Variants in BCL6 observed in about 807,000 individuals in gnomAD.
The protein encoded by BCL6 is B-cell lymphoma 6 protein.
Under a neutral mutation model 59.5 loss-of-function variants are expected in BCL6, and 7 were observed. The observed-to-expected ratio is 0.12, with a 90% CI of 0.07 to 0.22. BCL6 has a LOEUF of 0.22. Among genes scored for constraint, BCL6 ranks in the 10% least tolerant of loss-of-function variants. The pLI, the probability that BCL6 is intolerant of heterozygous loss-of-function variation, is 1.00. For missense variants in BCL6, 685 were observed against 939.4 expected, an observed-to-expected ratio of 0.73 and a Z score of 3.54; for synonymous variants, 339 against 349.7, an observed-to-expected ratio of 0.97 and a Z score of 0.34.
chr3:187,727,605 CA>C (rs1476196738), intron 6 of BCL6, among the ~76,000 whole-genome samples: 2 of 152,202 alleles, frequency 1.3e-5, no homozygotes, highest in African/African-American at 4.8e-5. Flanking sequence ...AGAGCAAAGG[CA>C]AACTAGCCAG....
In BCL6 at chr3:187,721,501, T is replaced by C; in HGVS notation, c.*957A>G. 4.3e-6 allele frequency: 1 copy of C among 233,340 alleles called. No individual in the cohort carries two copies. The highest frequency in any genetic ancestry group is 6.1e-5 in the East Asian group (1 of 16,514). The allele number at this position is 233,340 out of a possible 1,614,324, so 14.5% of individuals were successfully genotyped here. A position where few individuals can be genotyped will look rare whatever the true frequency, so the allele number is the denominator to read the frequency against. Reference sequence around the variant, plus strand: ...GTTATAACACAAGCATGACGCAGAATGGGATGAGACAAACATTCCCAAAGA... The same window carrying C: ...GTTATAACACAAGCATGACGCAGAACGGGATGAGACAAACATTCCCAAAGA... On this transcript the variant is annotated 3_prime_UTR_variant, in exon 10 of 10. Coordinates refer to ENST00000406870, the MANE Select transcript of BCL6 (RefSeq NM_001706.5). This position sits in a 1 kb window ranked among gnomAD's most constrained non-coding sequence, Gnocchi z 4.2.
chr3:187,742,273 T>C (rs1381792882), intron 1 of BCL6, among the ~76,000 whole-genome samples: 2 of 152,184 alleles, frequency 1.3e-5, no homozygotes, highest in Non-Finnish European at 2.9e-5. Flanking sequence ...CATTACCCTG[T>C]AGGGGATAGA....
rs148599586 is a variant in BCL6 at position 187,734,334 on chromosome 3, G to A, written c.-11+535C>T. 3.8e-3 allele frequency: 597 copies of A among 157,394 alleles called. 9 individuals carry two copies. Among genetic ancestry groups the A allele is most frequent in the African/African-American group, 0.014 (565 of 41,578 alleles). 9.7% of individuals were successfully genotyped at this position (157,394 alleles called of 1,614,324 possible). Reference sequence around the variant, plus strand: ...TGGGATTACAGGCATGAGCCACCGCGCCCAGTCAAGACACTGTGTTTTAAG... The same window carrying A: ...TGGGATTACAGGCATGAGCCACCGCACCCAGTCAAGACACTGTGTTTTAAG... On this transcript the variant is annotated intron_variant, in intron 2 of 9. Coordinates refer to ENST00000406870, the MANE Select transcript of BCL6 (RefSeq NM_001706.5).
chr3:187,738,193 C>CT (rs1719380450), intron 1 of BCL6, among the ~76,000 whole-genome samples: 1 of 152,288 alleles, frequency 6.6e-6, no homozygotes, highest in Admixed American at 6.5e-5. Context: ...CATATCGAGA[C>CT]TTTAAGTTGT....
rs1363983471 is a variant in BCL6 at position 187,721,474 on chromosome 3, T to C, written c.*984A>G. 1 of 232,442 alleles carries C rather than the reference T, an allele frequency of 4.3e-6. No individual in the cohort carries two copies. The highest frequency in any genetic ancestry group is 8.5e-6 in the Non-Finnish European group (1 of 117,446). The allele number at this position is 232,442 out of a possible 1,614,324, so 14.4% of individuals were successfully genotyped here. ...ACACAGCCAAACCCTGTCTCCGGAG[T>C]AGTTATAACACAAGCATGACGCAGA... On this transcript the variant is annotated 3_prime_UTR_variant, in exon 10 of 10. Transcript: ENST00000406870. The surrounding 1 kb of genome is among the most constrained non-coding windows in gnomAD (Gnocchi z 4.2).
At position 187,724,633 on chromosome 3, in the gene BCL6, G is replaced by C. The variant is rs758410098; in HGVS notation, c.1977+308C>G. ...GTATTTGTGAAATGAATGAATCTAGGTGGAGTGAATCAAGTCTATGTATCC... is the reference window on the plus strand; with the variant it reads ...GTATTTGTGAAATGAATGAATCTAGCTGGAGTGAATCAAGTCTATGTATCC... On this transcript the variant is annotated intron_variant, in intron 9 of 9. Transcript: ENST00000406870. The C allele has an allele frequency of 1.7e-4, 61 of 359,844 alleles. No homozygotes were observed. In the Middle Eastern group the frequency reaches 3.3e-3, roughly 19 times the overall value. The allele number at this position is 359,844 out of a possible 1,614,324, so 22.3% of individuals were successfully genotyped here. A position where few individuals can be genotyped will look rare whatever the true frequency, so the allele number is the denominator to read the frequency against.
chr3:187,725,371 C>T lies in BCL6; in HGVS notation c.1839+128G>A, dbSNP rs1256285688. On this transcript the variant is annotated intron_variant, in intron 8 of 9. Coordinates refer to ENST00000406870, the MANE Select transcript of BCL6 (RefSeq NM_001706.5). This position sits in a 1 kb window ranked among gnomAD's most constrained non-coding sequence, Gnocchi z 4.7. ...GGGACTTTCTCCTGCCCGCTCTGCTCACCTGCCCGCTCCGCTTGCCTGCCC... is the reference window on the plus strand; with the variant it reads ...GGGACTTTCTCCTGCCCGCTCTGCTTACCTGCCCGCTCCGCTTGCCTGCCC... The T allele has an allele frequency of 1.4e-5, 21 of 1,520,770 alleles. No homozygotes were observed. The East Asian group carries it at 4.5e-4, about 33-fold the overall frequency. 94.2% of individuals were successfully genotyped at this position (1,520,770 alleles called of 1,614,324 possible). A position where few individuals can be genotyped will look rare whatever the true frequency, so the allele number is the denominator to read the frequency against.
In BCL6 at chr3:187,724,847, G is replaced by C. The variant is rs1718592190; in HGVS notation, c.1977+94C>G. The stretch of plus-strand genomic sequence containing the variant: ...TGAGATGGGAGCAAACAGTTCCACT[G>C]CCTCCCTGCTCCACCTCCTTCCCTG... On this transcript the variant is annotated intron_variant, in intron 9 of 9. Transcript: ENST00000406870. The C allele has an allele frequency of 2.4e-5, 35 of 1,452,352 alleles. 1 individual carries two copies. The South Asian group carries it at 4.2e-4, about 17-fold the overall frequency. The allele number at this position is 1,452,352 out of a possible 1,614,324, so 90.0% of individuals were successfully genotyped here. A position where few individuals can be genotyped will look rare whatever the true frequency, so the allele number is the denominator to read the frequency against.
At chr3:187,726,289 T>C (rs991439109) in intron 7 of BCL6, among the ~76,000 whole-genome samples, 1 of 152,194 alleles carries the variant, frequency 6.6e-6, no homozygotes, top group African/African-American at 2.4e-5. Context: ...AATAGGGCCA[T>C]TTACGGTACT....
At chr3:187,744,352 A>G (rs1173100108) in intron 1 of BCL6, among the ~76,000 whole-genome samples, 2 of 139,584 alleles carry the variant, frequency 1.4e-5, no homozygotes, top group East Asian at 2.6e-4. Context: ...CTGTCCCGCC[A>G]TCAGTCTCTC....
chr3:187,734,122 G>GT (rs1553840509), intron 2 of BCL6, among the ~76,000 whole-genome samples: 5 of 152,238 alleles, frequency 3.3e-5, no homozygotes, highest in Non-Finnish European at 5.9e-5. Context: ...CTCACTGCAA[G>GT]TCCGCCTTCC....
intron 1 of BCL6, among the ~76,000 whole-genome samples, chr3:187,735,234 G>A (rs1431977139): frequency 1.3e-5 from 2 of 152,120 alleles, no homozygotes; most frequent in African/African-American, 4.8e-5. Context: ...GAGTTTATGG[G>A]AAAGAAAAAA....
chr3:187,745,138 C>A (rs527607093), intron 1 of BCL6, among the ~76,000 whole-genome samples: 1 of 152,044 alleles, frequency 6.6e-6, no homozygotes, highest in Non-Finnish European at 1.5e-5. Flanking sequence ...ATAATAAATA[C>A]ATAACAATCT....
chr3:187,733,330 T>A (rs1184108893), intron 3 of BCL6, among the ~76,000 whole-genome samples: 2 of 151,862 alleles, frequency 1.3e-5, no homozygotes, highest in East Asian at 3.9e-4. Flanking sequence ...AGAACGTGGC[T>A]CTTTCTTTTC....
chr3:187,727,129 G>A (rs1051297928), intron 6 of BCL6, among the ~76,000 whole-genome samples: 22 of 152,226 alleles, frequency 1.4e-4, no homozygotes, highest in African/African-American at 4.8e-4. Flanking sequence ...CTGAATTAAG[G>A]TACAGAAGGG....
intron 1 of BCL6, among the ~76,000 whole-genome samples, chr3:187,742,685 C>A (rs1711651611): frequency 6.6e-6 from 1 of 152,014 alleles, no homozygotes; most frequent in African/African-American, 2.4e-5. Flanking sequence ...AGAGAGTTGC[C>A]ATCTACAGGT....
At chr3:187,741,954 A>T (rs1711612530) in intron 1 of BCL6, among the ~76,000 whole-genome samples, 1 of 151,926 alleles carries the variant, frequency 6.6e-6, no homozygotes, top group Non-Finnish European at 1.5e-5. Context: ...TTCTACTTAA[A>T]ATCAACCAGG....
At chr3:187,744,738 A>T in intron 1 of BCL6, among the ~76,000 whole-genome samples, 1 of 152,122 alleles carries the variant, frequency 6.6e-6, no homozygotes, top group Middle Eastern at 3.4e-3. Context: ...AGTTACCCAG[A>T]AGGACAGGGG....
intron 1 of BCL6, among the ~76,000 whole-genome samples, chr3:187,745,082 A>C (rs1380007489): frequency 1.3e-5 from 2 of 152,174 alleles, no homozygotes; most frequent in Admixed American, 1.3e-4. Context: ...GGAGGGTGGC[A>C]AAAGCCTCCC....
Sources: allele counts gnomAD v4.1 joint callset (sites outside exome capture counted in the v4.1 genomes callset), GRCh38; gene constraint gnomAD v4.1.1; non-coding constraint Gnocchi (gnomAD v3.1); transcripts MANE v1.5; gene names NCBI Gene and HGNC (gene_info 2026-07-23, HGNC 2026-07-21).